The following MIB1 variants were observed in gnomAD, a reference collection of about 807,000 sequenced individuals.
MIB1 encodes the protein MIB E3 ubiquitin protein ligase 1, also known as E3 ubiquitin-protein ligase MIB1.
A neutral mutation model predicts 124.5 loss-of-function variants in MIB1; 278 were observed. The ratio of observed to expected loss-of-function variants is 2.23; its 90% CI spans 2.02 to 2.47. The LOEUF (loss-of-function observed/expected upper bound fraction) is 2.47. Ranked by LOEUF, MIB1 falls within the 30% of genes most tolerant of loss-of-function variation. The probability of loss-of-function intolerance (pLI) is 0.00; values close to 1 mark genes in which losing one functional copy is unlikely to be tolerated. For missense variants in MIB1, 957 were observed against 1,254.4 expected, an observed-to-expected ratio of 0.76 and a Z score of 3.58; for synonymous variants, 446 against 429.4, an observed-to-expected ratio of 1.04 and a Z score of -0.48.
chr18:21,824,329 T>C (rs2041905882), intron 12 of MIB1, among the ~76,000 whole-genome samples: 1 of 152,154 alleles, frequency 6.6e-6, no homozygotes, highest in South Asian at 2.1e-4. Flanking sequence ...TAGTTTTCCT[T>C]CTCGAATGTT....
chr18:21,846,086 G>A (rs921306260), intron 15 of MIB1, among the ~76,000 whole-genome samples: 2 of 152,126 alleles, frequency 1.3e-5, no homozygotes, highest in Admixed American at 6.5e-5. Context: ...TACATAATAC[G>A]TGTTGAAGTC....
chr18:21,742,259 C>T (rs2040862418), intron 1 of MIB1, among the ~76,000 whole-genome samples: 1 of 148,492 alleles, frequency 6.7e-6, no homozygotes, highest in African/African-American at 2.5e-5. Context: ...CTTGGTACCT[C>T]GGATTTGTGG....
At chr18:21,838,319 A>G in intron 12 of MIB1, 46 bp from the exon 13 acceptor site, 2 of 1,389,322 alleles carry the variant, frequency 1.4e-6, no homozygotes, top group African/African-American at 1.5e-5. Flanking sequence ...TCTTTTGAGT[A>G]TATCAAATTA....
At chr18:21,854,076 G>A (rs554605844) in intron 18 of MIB1, among the ~76,000 whole-genome samples, 3 of 148,142 alleles carry the variant, frequency 2.0e-5, no homozygotes, top group South Asian at 2.2e-4. Flanking sequence ...AAGGGTGAAC[G>A]TTTTCTTCTG....
At position 21,731,600 on chromosome 18, in the gene MIB1, C is replaced by T. The variant is rs1041311263; in HGVS notation, n.167+26477C>T. 3.9e-5 allele frequency among the ~76,000 whole-genome samples: 6 copies of T among 152,000 alleles called. No individual in the cohort carries two copies. The South Asian group carries it at 6.2e-4, about 16-fold the overall frequency. ...TACAAAACATTAGCCGGCGTGGTGG[C>T]GGGCACCTGTAGTCCCAGCTACTCG... On this transcript the variant is annotated intron_variant and non_coding_transcript_variant, in intron 1 of 20. Coordinates refer to the MIB1 transcript ENST00000578646.
At chr18:21,724,321 A>C (rs2040727875) in intron 1 of MIB1, 1 of 152,166 alleles carries the variant, frequency 6.6e-6, no homozygotes, top group African/African-American at 2.4e-5. Flanking sequence ...AGGAATACAG[A>C]GTGGTTTATA....
chr18:21,768,733 GA>G lies in MIB1; in HGVS notation c.515del (p.Asn172MetfsTer7). On this transcript the variant is annotated frameshift_variant, in exon 3 of 21. Transcript: ENST00000261537. LOFTEE classifies it high-confidence loss of function. ...VDWQWEDQDG[G>X]NGRRGKVTEI... ...TGGCAGTGGGAAGATCAAGATGGAG[GA>G]AATGGACGTAGGGGAAAGGTACAGT... 6.2e-7 allele frequency: 1 copy of G among 1,611,076 alleles called. No individual in the cohort carries two copies. Among genetic ancestry groups the G allele is most frequent in the Non-Finnish European group, 8.5e-7 (1 of 1,178,456 alleles).
chr18:21,820,763 G>C (rs2041871115), intron 12 of MIB1, among the ~76,000 whole-genome samples: 1 of 152,174 alleles, frequency 6.6e-6, no homozygotes, highest in African/African-American at 2.4e-5. Flanking sequence ...TTTGGGGCAG[G>C]TGTTAATATC....
upstream of MIB1, among the ~76,000 whole-genome samples, chr18:21,737,027 A>G (rs988546005): frequency 7.9e-5 from 12 of 152,222 alleles, no homozygotes; most frequent in African/African-American, 2.9e-4. Context: ...CACCACAAAG[A>G]TACTCCTCGA....
chr18:21,719,959 A>G (rs1382029194), intron 1 of MIB1, among the ~76,000 whole-genome samples: 2 of 152,190 alleles, frequency 1.3e-5, no homozygotes, highest in Non-Finnish European at 2.9e-5. Context: ...TAGCAACCCA[A>G]ATATGAGATA....
In MIB1 at chr18:21,828,910, C is replaced by T. The variant is rs369294491; in HGVS notation, c.1829+9264C>T. On this transcript the variant is annotated intron_variant, in intron 12 of 20. Transcript: ENST00000261537. ...TTAGTATTGCCAAAGGTCATCTGTT[C>T]ATGACTAGGTTAATTTACCATATGA... 3.4e-3 allele frequency: 1,427 copies of T among 417,616 alleles called. 45 individuals carry two copies. Among genetic ancestry groups the T allele is most frequent in the South Asian group, 0.025 (1,384 of 55,126 alleles). 25.9% of individuals were successfully genotyped at this position (417,616 alleles called of 1,614,324 possible).
intron 1 of MIB1, among the ~76,000 whole-genome samples, chr18:21,749,848 G>C (rs2040954472): frequency 6.6e-6 from 1 of 151,610 alleles, no homozygotes; most frequent in African/African-American, 2.4e-5. Flanking sequence ...CCCCATGTTG[G>C]TCAGGCTGGT....
chr18:21,839,847 T>G (rs572557859), intron 13 of MIB1, among the ~76,000 whole-genome samples: 1 of 152,326 alleles, frequency 6.6e-6, no homozygotes, highest in South Asian at 2.1e-4. Context: ...TTGATTGCTC[T>G]TGCACATATT....
At chr18:21,706,202 C>A (rs1006027305) in intron 1 of MIB1, among the ~76,000 whole-genome samples, 9 of 152,312 alleles carry the variant, frequency 5.9e-5, no homozygotes, top group South Asian at 4.1e-4. Context: ...CTGCCTCAGC[C>A]TCCCGAGTAC....
chr18:21,823,979 C>G (rs2041902647), intron 12 of MIB1, among the ~76,000 whole-genome samples: 1 of 152,120 alleles, frequency 6.6e-6, no homozygotes, highest in Non-Finnish European at 1.5e-5. Context: ...TAGGTACTTT[C>G]TGTAAAGATG....
At chr18:21,797,047 CAA>C (rs1192527818) in intron 7 of MIB1, among the ~76,000 whole-genome samples, 4 of 151,830 alleles carry the variant, frequency 2.6e-5, no homozygotes, top group Non-Finnish European at 5.9e-5. Flanking sequence ...TTTAAACAAA[CAA>C]AAAATTGATA....
At chr18:21,805,900 CTTTTTTTTTTTT>C (rs35904303) in intron 10 of MIB1, among the ~76,000 whole-genome samples, 1 of 105,128 alleles carries the variant, frequency 9.5e-6, no homozygotes, top group African/African-American at 3.9e-5. Flanking sequence ...TCTTTCTTTC[CTTTTTTTTTTTT>C]TTTTTTTTTG....
chr18:21,839,065 A>T (rs2042059373), intron 13 of MIB1, among the ~76,000 whole-genome samples: 1 of 152,172 alleles, frequency 6.6e-6, no homozygotes, highest in South Asian at 2.1e-4. Flanking sequence ...TATTTTAGTA[A>T]TTTCAGCAAA....
Position 21,791,388 on chromosome 18 carries a change from C to CTGCT in MIB1, c.924_927dup (p.Val310CysfsTer5). 3 of 1,611,416 alleles carry CTGCT rather than the reference C, an allele frequency of 1.9e-6. No individual in the cohort carries two copies. The highest frequency in any genetic ancestry group is 2.5e-6 in the Non-Finnish European group (3 of 1,178,736). ...TGCTCTTGTAGGTGGACCTTCAATC[C>CTGCT]TGCTGTTCTCACTAAAGCGAACATT... is the stretch of plus-strand genomic sequence containing the variant. On this transcript the variant is annotated frameshift_variant, in exon 7 of 21. Coordinates refer to ENST00000261537, the MANE Select transcript of MIB1 (RefSeq NM_020774.4). LOFTEE classifies it high-confidence loss of function.
Sources: allele counts gnomAD v4.1 joint callset (sites outside exome capture counted in the v4.1 genomes callset), GRCh38; gene constraint gnomAD v4.1.1; transcripts MANE v1.5; gene names NCBI Gene and HGNC (gene_info 2026-07-23, HGNC 2026-07-21).